Variants in AFAP1 observed in about 807,000 individuals in gnomAD.
The protein encoded by AFAP1 is actin filament associated protein 1.
Under a neutral mutation model 93.9 loss-of-function variants are expected in AFAP1, and 75 were observed. That is an observed-to-expected ratio of 0.80 (90% CI 0.66 to 0.97). AFAP1 has a LOEUF of 0.97. Ranked by LOEUF, AFAP1 falls within the 50% of genes least tolerant of loss-of-function variation. The pLI is 0.00. For missense variants in AFAP1, 1,201 were observed against 1,050.8 expected (o/e 1.14, Z -1.98); for synonymous variants, 517 against 430.7 (o/e 1.20, Z -2.48).
chr4:7,778,687 G>T, intron 14 of AFAP1, 75 bp downstream of exon 14: 1 of 1,422,492 alleles, frequency 7.0e-7, no homozygotes, highest in Non-Finnish European at 9.9e-7. Context: ...ACTCACGGGT[G>T]GGCAGGCTCA....
At chr4:7,788,696 T>A (rs1717544116) in intron 11 of AFAP1, 1 of 152,222 alleles carries the variant, frequency 6.6e-6, no homozygotes, top group Non-Finnish European at 1.5e-5. Flanking sequence ...ATTAAATGCC[T>A]CATTGGAAGG....
At chr4:7,900,584 C>T (rs1490589949) in intron 1 of AFAP1, among the ~76,000 whole-genome samples, 2 of 152,200 alleles carry the variant, frequency 1.3e-5, no homozygotes, top group Non-Finnish European at 2.9e-5. Flanking sequence ...CCCAGGCCCA[C>T]GCCAGCGACT....
intron 12 of AFAP1, 128 bp downstream of exon 12, chr4:7,786,066 T>C: frequency 2.7e-6 from 2 of 747,480 alleles, no homozygotes; most frequent in South Asian, 1.8e-5. Context: ...TGAGATGGAG[T>C]CTCCTTGCCT....
chr4:7,882,439 G>A (rs868224024), intron 1 of AFAP1, among the ~76,000 whole-genome samples: 2 of 150,108 alleles, frequency 1.3e-5, no homozygotes, highest in East Asian at 1.9e-4. Flanking sequence ...TATCTAAACC[G>A]AATAGAGATA....
At chr4:7,865,768 T>G (rs1716328228) in intron 3 of AFAP1, among the ~76,000 whole-genome samples, 1 of 152,252 alleles carries the variant, frequency 6.6e-6, no homozygotes, top group African/African-American at 2.4e-5. Flanking sequence ...GTGAGGGACA[T>G]GCAGTTTGGT....
chr4:7,863,397 C>T (rs556225279), intron 3 of AFAP1, among the ~76,000 whole-genome samples: 4 of 151,788 alleles, frequency 2.6e-5, no homozygotes, highest in African/African-American at 4.8e-5. Flanking sequence ...CCAGCCTGGG[C>T]GACAAAGCGA....
intron 11 of AFAP1, among the ~76,000 whole-genome samples, chr4:7,788,266 G>A (rs1433730575): frequency 6.6e-6 from 1 of 152,252 alleles, no homozygotes; most frequent in Non-Finnish European, 1.5e-5. Context: ...ACCAGATGAA[G>A]AAAACACAGC....
At chr4:7,911,106 G>A (rs1008482808) in intron 1 of AFAP1, among the ~76,000 whole-genome samples, 1 of 152,084 alleles carries the variant, frequency 6.6e-6, no homozygotes, top group Non-Finnish European at 1.5e-5. Flanking sequence ...TTGTCATGCT[G>A]GTCATTTCTA....
chr4:7,906,464 CT>C (rs1010935187), intron 1 of AFAP1, among the ~76,000 whole-genome samples: 1 of 152,164 alleles, frequency 6.6e-6, no homozygotes, highest in African/African-American at 2.4e-5. Flanking sequence ...TTCCACCCCC[CT>C]ATTCCGGAGA....
In AFAP1 at chr4:7,892,057, A is replaced by G. The variant is rs138153463; in HGVS notation, c.-2-19977T>C. Among the ~76,000 whole-genome samples, 25 of 152,240 alleles carry G rather than the reference A, an allele frequency of 1.6e-4. No individual in the cohort carries two copies. In the East Asian group the frequency reaches 4.8e-3, roughly 29 times the overall value. The stretch of plus-strand genomic sequence containing the variant: ...CAGCAAGAACAAAATTCCGACTCAA[A>G]AAAAGAAAAAAAAGAAAAAAGCAAA... On this transcript the variant is annotated intron_variant, in intron 1 of 17. Transcript: ENST00000420658.
chr4:7,932,971 G>T (rs1246512460), intron 1 of AFAP1, among the ~76,000 whole-genome samples: 1 of 126,256 alleles, frequency 7.9e-6, no homozygotes, highest in Non-Finnish European at 1.6e-5. Context: ...GGTGAGCCGA[G>T]ATCGCGCCAC....
intron 8 of AFAP1, among the ~76,000 whole-genome samples, chr4:7,811,059 T>G (rs1719982317): frequency 6.6e-6 from 1 of 152,200 alleles, no homozygotes. Context: ...GAAGGTGAGC[T>G]GTCTGCCCGT....
chr4:7,891,743 TAAA>T (rs778916445), intron 1 of AFAP1, among the ~76,000 whole-genome samples: 3 of 62,804 alleles, frequency 4.8e-5, no homozygotes, highest in Admixed American at 2.0e-4. Flanking sequence ...ATGGTCTCAT[TAAA>T]AAAAAAAAAA....
intron 1 of AFAP1, among the ~76,000 whole-genome samples, chr4:7,892,578 C>T (rs1201752401): frequency 1.3e-5 from 2 of 152,186 alleles, no homozygotes; most frequent in Non-Finnish European, 2.9e-5. Flanking sequence ...CATCTTTTTG[C>T]ACTTGAACTT....
At chr4:7,853,468 T>C (rs999758294) in intron 4 of AFAP1, among the ~76,000 whole-genome samples, 8 of 152,110 alleles carry the variant, frequency 5.3e-5, no homozygotes, top group Non-Finnish European at 1.2e-4. Context: ...TGGTCACCTG[T>C]GCCATCAGGA....
chr4:7,910,266 A>C (rs958732381), intron 1 of AFAP1, among the ~76,000 whole-genome samples: 1 of 152,156 alleles, frequency 6.6e-6, no homozygotes. Flanking sequence ...TACAGAAAAC[A>C]GAGCCTGCTG....
At chr4:7,923,063 A>G (rs904094446) in intron 1 of AFAP1, among the ~76,000 whole-genome samples, 20 of 152,196 alleles carry the variant, frequency 1.3e-4, no homozygotes, top group African/African-American at 4.8e-4. Context: ...ATCATACCAT[A>G]TATGATTTAA....
At chr4:7,866,184 A>G (rs910674592) in intron 3 of AFAP1, among the ~76,000 whole-genome samples, 1 of 148,352 alleles carries the variant, frequency 6.7e-6, no homozygotes, top group African/African-American at 2.5e-5. Flanking sequence ...AGTGTGAGCC[A>G]CTGCGCCCAG....
intron 11 of AFAP1, among the ~76,000 whole-genome samples, chr4:7,789,382 T>C (rs1192131827): frequency 4.0e-5 from 6 of 148,364 alleles, no homozygotes; most frequent in Admixed American, 6.7e-5. Context: ...TGTGAATCTC[T>C]CCATGCTCCG....
Sources: gnomAD v4.1 joint callset for allele counts (sites outside exome capture counted in the v4.1 genomes callset) on GRCh38, gnomAD v4.1.1 for gene constraint, MANE v1.5 for transcripts, NCBI Gene and HGNC (gene_info 2026-07-23, HGNC 2026-07-21) for gene names.